The following ADORA2A variants were observed in gnomAD, a reference collection of about 807,000 sequenced individuals.
The protein encoded by ADORA2A is adenosine receptor A2a.
Under a neutral mutation model 18.4 loss-of-function variants are expected in ADORA2A, and 11 were observed. The observed-to-expected ratio is 0.60, with a 90% CI of 0.38 to 0.99. ADORA2A has a LOEUF of 0.99. Ranked by LOEUF, ADORA2A falls within the 50% of genes least tolerant of loss-of-function variation. The pLI, the probability that ADORA2A is intolerant of heterozygous loss-of-function variation, is 0.01. For missense variants in ADORA2A, 449 were observed against 556.1 expected, an observed-to-expected ratio of 0.81 and a Z score of 1.94; for synonymous variants, 218 against 237.3, an observed-to-expected ratio of 0.92 and a Z score of 0.75.
chr22:24,440,005 T>A lies in ADORA2A; in HGVS notation c.333-578T>A, dbSNP rs56237392. Among the ~76,000 whole-genome samples the A allele has an allele frequency of 7.2e-3, 1,093 of 152,208 alleles. 4 individuals are homozygous for A. Among genetic ancestry groups the A allele is most frequent in the South Asian group, 0.012 (60 of 4,816 alleles). On this transcript the variant is annotated intron_variant, in intron 2 of 2. Coordinates refer to ENST00000337539, the MANE Select transcript of ADORA2A (RefSeq NM_000675.6). ...GGGCTTCTGGAGTCCCCAAGTCAAA[T>A]GGCAAATGGGGAAGAGAAGACAGGG...
At chr22:24,431,218 C>T (rs1381792062) in intron 1 of ADORA2A, 1 of 456,660 alleles carries the variant, frequency 2.2e-6, no homozygotes, top group Non-Finnish European at 4.4e-6. Context: ...TCGGCCCTCT[C>T]CAGCTGCTGC....
In ADORA2A at chr22:24,433,157, T is replaced by A. The variant is rs1361000804; in HGVS notation, c.-248T>A. On this transcript the variant is annotated 5_prime_UTR_variant, in exon 2 of 3. Transcript: ENST00000337539. ...TGCCTCAGGAACCCTGAAGCTGGGC[T>A]GAGCCATGATGCTGCTGCCAGAACC... is the stretch of plus-strand genomic sequence containing the variant. 1.7e-6 allele frequency: 1 copy of A among 581,448 alleles called. No individual in the cohort carries two copies. Among genetic ancestry groups the A allele is most frequent in the East Asian group, 2.8e-5 (1 of 35,210 alleles). 36.0% of individuals were successfully genotyped at this position (581,448 alleles called of 1,614,324 possible).
At chr22:24,428,516 G>A (rs1601396603) in intron 1 of ADORA2A, among the ~76,000 whole-genome samples, 1 of 152,050 alleles carries the variant, frequency 6.6e-6, no homozygotes, top group South Asian at 2.1e-4. Flanking sequence ...TTTCATTTCC[G>A]CCAGTCGGTT....
intron 2 of ADORA2A, among the ~76,000 whole-genome samples, chr22:24,434,103 C>A (rs778531800): frequency 5.9e-5 from 9 of 152,218 alleles, no homozygotes; most frequent in Non-Finnish European, 1.2e-4. Flanking sequence ...TGTGTCTGGG[C>A]CATTCCTCAC....
chr22:24,440,874 G>A lies in ADORA2A; in HGVS notation c.624G>A (p.Leu208=), dbSNP rs772993000. ...LRIFLAARRQ[L]KQMESQPLPG... ...TCTTCCTGGCGGCGCGACGACAGCT[G>A]AAGCAGATGGAGAGCCAGCCTCTGC... The change falls in exon 3 of 3, where the codon CTG becomes CTA. Residue 208 remains leucine (L), a synonymous_variant. Coordinates refer to ENST00000337539, the MANE Select transcript of ADORA2A (RefSeq NM_000675.6). 1.2e-6 allele frequency: 2 copies of A among 1,614,170 alleles called. No homozygotes were observed. The highest frequency in any genetic ancestry group is 2.2e-5 in the South Asian group (2 of 91,086).
At chr22:24,429,104 G>A (rs1322627824) in intron 1 of ADORA2A, 1 of 152,360 alleles carries the variant, frequency 6.6e-6, no homozygotes, top group Non-Finnish European at 1.5e-5. Flanking sequence ...GAAGCTGGTG[G>A]GCACCTCCGT....
At chr22:24,425,241 G>A (rs1455468638), upstream of ADORA2A, among the ~76,000 whole-genome samples, 1 of 152,056 alleles carries the variant, frequency 6.6e-6, no homozygotes, top group Non-Finnish European at 1.5e-5. Flanking sequence ...GCGGGCCTGG[G>A]AAGCTGTTGC....
chr22:24,437,206 G>C (rs1040465530), intron 2 of ADORA2A, among the ~76,000 whole-genome samples: 12 of 152,232 alleles, frequency 7.9e-5, no homozygotes, highest in African/African-American at 2.9e-4. Context: ...CAAGCCGGGG[G>C]ACACAGAGCT....
chr22:24,439,929 T>C (rs1325136271), intron 2 of ADORA2A, among the ~76,000 whole-genome samples: 1 of 152,210 alleles, frequency 6.6e-6, no homozygotes, highest in Non-Finnish European at 1.5e-5. Flanking sequence ...GGCATCTCCT[T>C]TGGCCTGGGA....
At position 24,441,286 on chromosome 22, in the gene ADORA2A, T is replaced by C. The variant is rs374971289; in HGVS notation, c.1036T>C (p.Trp346Arg). 1 of 1,612,214 alleles carries C rather than the reference T, an allele frequency of 6.2e-7. No homozygotes were observed. Among genetic ancestry groups the C allele is most frequent in the African/African-American group, 1.3e-5 (1 of 75,048 alleles). The change falls in exon 3 of 3, where the codon TGG becomes CGG. Residue 346 changes from tryptophan (W) to arginine (R), a missense_variant. Transcript: ENST00000337539. ...LRLNGHPPGV[W>R]ANGSAPHPER... ...TCTCAACGGCCACCCGCCAGGAGTG[T>C]GGGCCAACGGCAGTGCTCCCCACCC...
At chr22:24,432,748 G>A (rs982566611) in intron 1 of ADORA2A, 2 of 154,602 alleles carry the variant, frequency 1.3e-5, no homozygotes, top group Admixed American at 6.4e-5. Context: ...TCCTGGCAGG[G>A]GCCCAGCTAG....
At chr22:24,425,798 C>A (rs1421129237), upstream of ADORA2A, among the ~76,000 whole-genome samples, 1 of 152,244 alleles carries the variant, frequency 6.6e-6, no homozygotes, top group African/African-American at 2.4e-5. Flanking sequence ...GGGTTCTGGT[C>A]TTGCCTCCTC....
chr22:24,433,891 G>C (rs2043109545), intron 2 of ADORA2A, among the ~76,000 whole-genome samples, 155 bp downstream of exon 2: 2 of 152,248 alleles, frequency 1.3e-5, no homozygotes, highest in African/African-American at 2.4e-5. Flanking sequence ...GGGCTCCCCA[G>C]GGCCAGCACG....
rs1248513729 is a variant in ADORA2A at position 24,431,132 on chromosome 22, T to C, written c.-274-1999T>C. On this transcript the variant is annotated intron_variant, in intron 1 of 2. Coordinates refer to ENST00000337539, the MANE Select transcript of ADORA2A (RefSeq NM_000675.6). ...GATGGTGCCAGGAGAGCTGGTCTGG[T>C]GCATCCCTGCCAACGACACACTTTG... 3.5e-5 allele frequency: 16 copies of C among 456,640 alleles called. No homozygotes were observed. The Admixed American group carries it at 3.5e-4, about 10-fold the overall frequency. 28.3% of individuals were successfully genotyped at this position (456,640 alleles called of 1,614,324 possible). A position where few individuals can be genotyped will look rare whatever the true frequency, so the allele number is the denominator to read the frequency against.
intron 2 of ADORA2A, among the ~76,000 whole-genome samples, chr22:24,437,306 G>A (rs951946046): frequency 6.6e-6 from 1 of 152,196 alleles, no homozygotes; most frequent in African/African-American, 2.4e-5. Context: ...GGTGTGTCAC[G>A]CTAGACAGCC....
chr22:24,425,600 T>C (rs1474836252), upstream of ADORA2A, among the ~76,000 whole-genome samples: 2 of 152,236 alleles, frequency 1.3e-5, no homozygotes, highest in Non-Finnish European at 2.9e-5. Context: ...CAGTCACCTC[T>C]GGCCAGAGGC....
chr22:24,439,992 TCCC>T (rs895327303), intron 2 of ADORA2A, among the ~76,000 whole-genome samples: 94 of 152,012 alleles, frequency 6.2e-4, no homozygotes, highest in African/African-American at 1.7e-3. Context: ...GCTTCTGGAG[TCCC>T]CAAGTCAAAT....
chr22:24,441,834 G>C lies in ADORA2A; in HGVS notation c.*345G>C, dbSNP rs1222126621. ...CAGCTTGGGCACAGCAGACTGGCCT[G>C]GCCCTGAGACTGGGGAGTGGCTCCA... On this transcript the variant is annotated 3_prime_UTR_variant, in exon 3 of 3. Coordinates refer to ENST00000337539, the MANE Select transcript of ADORA2A (RefSeq NM_000675.6). 4.7e-6 allele frequency: 1 copy of C among 214,252 alleles called. No homozygotes were observed. Among genetic ancestry groups the C allele is most frequent in the Non-Finnish European group, 9.3e-6 (1 of 107,548 alleles). The allele number at this position is 214,252 out of a possible 1,614,324, so 13.3% of individuals were successfully genotyped here.
At chr22:24,437,150 G>A (rs945017968) in intron 2 of ADORA2A, among the ~76,000 whole-genome samples, 1 of 152,178 alleles carries the variant, frequency 6.6e-6, no homozygotes, top group Non-Finnish European at 1.5e-5. Context: ...ACCATAGGGT[G>A]AGCCCCCAGT....
Sources: allele counts gnomAD v4.1 joint callset (sites outside exome capture counted in the v4.1 genomes callset), GRCh38; gene constraint gnomAD v4.1.1; transcripts MANE v1.5; gene names NCBI Gene and HGNC (gene_info 2026-07-23, HGNC 2026-07-21).